TAS2R1: variants seen among roughly 807,000 people sequenced by gnomAD.
The protein encoded by TAS2R1 is taste receptor type 2 member 1.
For synonymous variants in TAS2R1, 141 were observed against 134.2 expected, an observed-to-expected ratio of 1.05 and a Z score of -0.35; for missense variants, 370 against 353.4, an observed-to-expected ratio of 1.05 and a Z score of -0.38.
intron 2 of TAS2R1, among the ~76,000 whole-genome samples, chr5:9,648,586 T>C (rs1168559825): frequency 2.0e-5 from 3 of 152,006 alleles, no homozygotes; most frequent in African/African-American, 7.2e-5. Flanking sequence ...CATTCATTCA[T>C]ACTGGGAGAT....
the TAS2R1 span, among the ~76,000 whole-genome samples, chr5:9,857,279 T>G: frequency 6.6e-6 from 1 of 152,160 alleles, no homozygotes. Context: ...TATTTCAAAA[T>G]GCCTAGAAGA....
intron 1 of TAS2R1, among the ~76,000 whole-genome samples, chr5:9,665,608 G>A (rs1449161844): frequency 6.6e-6 from 1 of 152,216 alleles, no homozygotes; most frequent in African/African-American, 2.4e-5. Context: ...AAGAGAGAGT[G>A]TGATGTCTAA....
chr5:9,806,051 G>A, the TAS2R1 span, among the ~76,000 whole-genome samples: 80 of 152,090 alleles, frequency 5.3e-4, no homozygotes, highest in African/African-American at 1.8e-3. Flanking sequence ...CAGCAAAGTT[G>A]CAAGATACAA....
intron 1 of TAS2R1, among the ~76,000 whole-genome samples, chr5:9,695,476 C>T (rs977428470): frequency 3.9e-5 from 6 of 151,942 alleles, no homozygotes; most frequent in African/African-American, 1.5e-4. Context: ...TTTGATGTTC[C>T]CTACAGAATC....
At chr5:9,731,359 G>A in the TAS2R1 span, among the ~76,000 whole-genome samples, 7 of 152,130 alleles carry the variant, frequency 4.6e-5, no homozygotes, top group African/African-American at 9.6e-5. Flanking sequence ...AAACTCAGCC[G>A]CGGCACCCCC....
chr5:9,664,095 G>A (rs1052677562), intron 1 of TAS2R1, among the ~76,000 whole-genome samples: 4 of 152,030 alleles, frequency 2.6e-5, no homozygotes, highest in African/African-American at 9.7e-5. Context: ...GGTTTGTTGT[G>A]GCACTCCTAG....
upstream of TAS2R1, among the ~76,000 whole-genome samples, chr5:9,632,362 A>G (rs902527790): frequency 6.6e-6 from 1 of 152,208 alleles, no homozygotes; most frequent in Non-Finnish European, 1.5e-5. Flanking sequence ...TCTTGCTTCA[A>G]TGTTGATGGC....
upstream of TAS2R1, among the ~76,000 whole-genome samples, chr5:9,632,341 T>A (rs546932000): frequency 2.6e-4 from 40 of 152,338 alleles, no homozygotes; most frequent in Non-Finnish European, 4.6e-4. Flanking sequence ...AATCTTTTTG[T>A]TGGTGTAGGG....
the TAS2R1 span, among the ~76,000 whole-genome samples, chr5:9,836,331 T>C: frequency 2.0e-5 from 3 of 152,172 alleles, no homozygotes; most frequent in Non-Finnish European, 2.9e-5. Context: ...AAATAAATTC[T>C]GTCATCATCA....
At chr5:9,732,704 C>T in the TAS2R1 span, among the ~76,000 whole-genome samples, 2 of 152,274 alleles carry the variant, frequency 1.3e-5, no homozygotes, top group Middle Eastern at 3.4e-3. Context: ...ACTGGGCCTT[C>T]AGGGTGAGAT....
chr5:9,677,542 G>A (rs1273645013), intron 1 of TAS2R1, among the ~76,000 whole-genome samples: 1 of 151,782 alleles, frequency 6.6e-6, no homozygotes, highest in African/African-American at 2.4e-5. Flanking sequence ...AAGAAGATTA[G>A]ACAAACCAAA....
Position 9,629,545 on chromosome 5 carries a change from T to G in TAS2R1, c.488A>C (p.Asn163Thr). ...PYFLRKFFSQ[N>T]ATIQKEDTLA... ...TGTATCTTCTTTTTGAATTGTGGCA[T>G]TTTGGGAGAAAAATTTCCTTAGGAA... Residue 163 changes from asparagine to threonine, a missense_variant, in exon 1 of 1, where the codon AAT becomes ACT. Transcript: ENST00000382492. The G allele has an allele frequency of 6.2e-7, 1 of 1,613,952 alleles. No homozygotes were observed. Among genetic ancestry groups the G allele is most frequent in the Non-Finnish European group, 8.5e-7 (1 of 1,179,976 alleles).
At chr5:9,655,931 T>G (rs952984185) in intron 2 of TAS2R1, among the ~76,000 whole-genome samples, 1 of 152,002 alleles carries the variant, frequency 6.6e-6, no homozygotes, top group Non-Finnish European at 1.5e-5. Context: ...CTGGGAAACT[T>G]TTATTAATGT....
At chr5:9,681,453 A>G (rs979092301) in intron 1 of TAS2R1, among the ~76,000 whole-genome samples, 17 of 148,542 alleles carry the variant, frequency 1.1e-4, no homozygotes, top group African/African-American at 4.2e-4. Context: ...CATCCTTAGT[A>G]CTGAGTACCA....
chr5:9,784,967 C>A, the TAS2R1 span, among the ~76,000 whole-genome samples: 9 of 152,272 alleles, frequency 5.9e-5, no homozygotes, highest in Middle Eastern at 3.4e-3. Context: ...TTCAACATAT[C>A]ATTTTTGGGG....
chr5:9,820,004 C>T, the TAS2R1 span, among the ~76,000 whole-genome samples: 6 of 152,050 alleles, frequency 3.9e-5, no homozygotes, highest in Non-Finnish European at 5.9e-5. Context: ...CCCAGCTCCT[C>T]CCATCTAACC....
chr5:9,635,525 C>A (rs1306276008), intron 2 of TAS2R1, among the ~76,000 whole-genome samples: 1 of 151,828 alleles, frequency 6.6e-6, no homozygotes, highest in Admixed American at 6.6e-5. Flanking sequence ...AAGATTGGTA[C>A]CAATTCTTCT....
At chr5:9,666,523 GA>G (rs34885022) in intron 1 of TAS2R1, among the ~76,000 whole-genome samples, 1 of 152,196 alleles carries the variant, frequency 6.6e-6, no homozygotes, top group Non-Finnish European at 1.5e-5. Flanking sequence ...TGAGAGGAAT[GA>G]AAGCCTGATT....
intron 1 of TAS2R1, among the ~76,000 whole-genome samples, chr5:9,703,604 G>A (rs756231620): frequency 9.2e-5 from 14 of 152,018 alleles, no homozygotes; most frequent in African/African-American, 4.8e-5. Flanking sequence ...ACCAATCCCC[G>A]GTAAGCTATG....
Sources: allele counts gnomAD v4.1 joint callset (sites outside exome capture counted in the v4.1 genomes callset), GRCh38; gene constraint gnomAD v4.1.1; transcripts MANE v1.5; gene names NCBI Gene and HGNC (gene_info 2026-07-23, HGNC 2026-07-21).